Variants in SIRPA observed in about 807,000 individuals in gnomAD.
SIRPA encodes the protein tyrosine-protein phosphatase non-receptor type substrate 1.
Under a neutral mutation model 50.3 loss-of-function variants are expected in SIRPA, and 9 were observed. That is an observed-to-expected ratio of 0.18 (90% CI 0.11 to 0.31). SIRPA has a LOEUF of 0.31. SIRPA is among the 10% of genes least tolerant of loss of function. The pLI, the probability that SIRPA is intolerant of heterozygous loss-of-function variation, is 1.00. For missense variants in SIRPA, 474 were observed against 661.6 expected (o/e 0.72, Z 3.11); for synonymous variants, 265 against 284.1 (o/e 0.93, Z 0.68).
chr20:1,903,165 TG>T (rs1984339893), intron 1 of SIRPA, among the ~76,000 whole-genome samples: 1 of 151,836 alleles, frequency 6.6e-6, no homozygotes. Flanking sequence ...AAGAGGCCAG[TG>T]GGGCTGGAGT....
At position 1,922,444 on chromosome 20, in the gene SIRPA, A is replaced by G. The variant is rs141989867; in HGVS notation, c.886A>G (p.Thr296Ala). The G allele has an allele frequency of 3.2e-5, 51 of 1,614,130 alleles. No homozygotes were observed. The highest frequency in any genetic ancestry group is 4.1e-5 in the Non-Finnish European group (48 of 1,180,054). The change falls in exon 4 of 8, where the codon ACA becomes GCA. Residue 296 changes from threonine (T) to alanine (A), a missense_variant. Physicochemically the swap from Thr to Ala is moderately conservative, Grantham distance 58. Around this residue, in one of 4 missense-constraint regions of SIRPA, gnomAD observed 221 missense variants for 359.9 expected, o/e 0.61. Transcript: ENST00000358771. ...TWLENGNVSR[T>A]ETASTVTENK... Reference sequence around the variant, plus strand: ...GTTGGAGAATGGAAACGTGTCCCGGACAGAAACGGCCTCAACCGTTACAGA... The same window carrying G: ...GTTGGAGAATGGAAACGTGTCCCGGGCAGAAACGGCCTCAACCGTTACAGA...
At chr20:1,895,595 TG>T in intron 1 of SIRPA, 69 bp downstream of exon 1, 1 of 1,204,564 alleles carries the variant, frequency 8.3e-7, no homozygotes. Context: ...AGACTGGCAC[TG>T]GGACCCCTTC....
Position 1,934,847 on chromosome 20 carries a change from C to G in SIRPA, c.1266+93C>G. 1 of 1,392,420 alleles carries G rather than the reference C, an allele frequency of 7.2e-7. No individual in the cohort carries two copies. Among genetic ancestry groups the G allele is most frequent in the Non-Finnish European group, 1.0e-6 (1 of 978,848 alleles). 86.3% of individuals were successfully genotyped at this position (1,392,420 alleles called of 1,614,324 possible). A position where few individuals can be genotyped will look rare whatever the true frequency, so the allele number is the denominator to read the frequency against. ...TTGCAGATCTGGTTCTAAATTAAGA[C>G]TCCTTGTGGGGTGGAGGGTGGAGGA... is the stretch of plus-strand genomic sequence containing the variant. On this transcript the variant is annotated intron_variant, in intron 7 of 7. Transcript: ENST00000358771. The surrounding 1 kb of genome is among the most constrained non-coding windows in gnomAD (Gnocchi z 4.6).
At chr20:1,920,591 T>C (rs984561871) in intron 2 of SIRPA, among the ~76,000 whole-genome samples, 9 of 152,220 alleles carry the variant, frequency 5.9e-5, no homozygotes, top group Non-Finnish European at 1.0e-4. Context: ...TTGGTGATCT[T>C]TAGTGTCTAT....
upstream of SIRPA, chr20:1,894,258 GC>G (rs1332642621): frequency 1.5e-5 from 2 of 132,534 alleles, no homozygotes; most frequent in East Asian, 2.4e-4. The surrounding 1 kb of genome is among the most constrained non-coding windows in gnomAD (Gnocchi z 4.0). Context: ...ACGCCCCCCC[GC>G]CCCCCGCGCC....
chr20:1,907,496 G>A (rs1037743878), intron 1 of SIRPA, among the ~76,000 whole-genome samples: 3 of 152,324 alleles, frequency 2.0e-5, no homozygotes, highest in Non-Finnish European at 2.9e-5. Flanking sequence ...TCACCTCTGC[G>A]TCTTTGCTCA....
intron 1 of SIRPA, among the ~76,000 whole-genome samples, chr20:1,904,169 C>G (rs1320065739): frequency 1.3e-5 from 2 of 152,206 alleles, no homozygotes; most frequent in African/African-American, 2.4e-5. Context: ...GCCCATCAAG[C>G]TGTCATGAAT....
At chr20:1,904,121 C>A (rs549932014) in intron 1 of SIRPA, among the ~76,000 whole-genome samples, 7 of 152,164 alleles carry the variant, frequency 4.6e-5, no homozygotes, top group Non-Finnish European at 7.3e-5. Flanking sequence ...CACAGTCCCC[C>A]CCCTGCAGCC....
chr20:1,914,466 AG>A (rs112299092), intron 1 of SIRPA, among the ~76,000 whole-genome samples: 61,067 of 150,626 alleles, frequency 0.41, 12,652 homozygotes, highest in East Asian at 0.66. Flanking sequence ...GGGCAAACTA[AG>A]GGCAGCTCTT....
In SIRPA at chr20:1,939,301, CT is replaced by C. The variant is rs1291125853; in HGVS notation, c.*1734del. 6.6e-6 allele frequency: 1 copy of C among 152,210 alleles called. No homozygotes were observed. Among genetic ancestry groups the C allele is most frequent in the Admixed American group, 6.5e-5 (1 of 15,286 alleles). The allele number at this position is 152,210 out of a possible 1,614,324, so 9.4% of individuals were successfully genotyped here. A position where few individuals can be genotyped will look rare whatever the true frequency, so the allele number is the denominator to read the frequency against. On this transcript the variant is annotated 3_prime_UTR_variant, in exon 8 of 8. Transcript: ENST00000358771. This position sits in a 1 kb window ranked among gnomAD's most constrained non-coding sequence, Gnocchi z 4.7. ...GCCATCCTGCCCATTCCTGGAGGTC[CT>C]ACAGGTGAAACTGCAGGAGCTCAGC... is the stretch of plus-strand genomic sequence containing the variant.
At chr20:1,906,690 A>G (rs1397592163) in intron 1 of SIRPA, among the ~76,000 whole-genome samples, 1 of 152,062 alleles carries the variant, frequency 6.6e-6, no homozygotes, top group African/African-American at 2.4e-5. Flanking sequence ...TGCACAAAGG[A>G]GGAACGTCAC....
rs1376149738 is a variant in SIRPA, at chr20:1,924,027, T to A, written c.1088-737T>A. On this transcript the variant is annotated intron_variant, in intron 4 of 7. Transcript: ENST00000358771. This position sits in a 1 kb window ranked among gnomAD's most constrained non-coding sequence, Gnocchi z 4.5. Reference sequence around the variant, plus strand: ...TTGGTTGGTTGGTTGGTTGGTTACATAATCCTTAGTTAGCCAATGAGGTAG... The same window carrying A: ...TTGGTTGGTTGGTTGGTTGGTTACAAAATCCTTAGTTAGCCAATGAGGTAG... Among the ~76,000 whole-genome samples the A allele has an allele frequency of 6.6e-6, 1 of 151,940 alleles. No homozygotes were observed. The highest frequency in any genetic ancestry group is 2.4e-5 in the African/African-American group (1 of 41,324).
At chr20:1,917,857 C>G (rs1478720442) in intron 2 of SIRPA, among the ~76,000 whole-genome samples, 1 of 152,162 alleles carries the variant, frequency 6.6e-6, no homozygotes, top group Non-Finnish European at 1.5e-5. Flanking sequence ...TATAGGGTAA[C>G]CAGATCTGGG....
chr20:1,923,731 T>A (rs1267027971), intron 4 of SIRPA, among the ~76,000 whole-genome samples: 1 of 152,212 alleles, frequency 6.6e-6, no homozygotes, highest in Non-Finnish European at 1.5e-5. Context: ...ACAGGATGTG[T>A]GGCTTTCCAC....
chr20:1,934,372 C>A lies in SIRPA; in HGVS notation c.1227-343C>A, dbSNP rs1177737484. Among the ~76,000 whole-genome samples, 2 of 152,330 alleles carry A rather than the reference C, an allele frequency of 1.3e-5. No homozygotes were observed. The highest frequency in any genetic ancestry group is 3.9e-4 in the East Asian group (2 of 5,188). On this transcript the variant is annotated intron_variant, in intron 6 of 7. Transcript: ENST00000358771. This position sits in a 1 kb window ranked among gnomAD's most constrained non-coding sequence, Gnocchi z 4.6. The stretch of plus-strand genomic sequence containing the variant: ...TCTTCCAAGCTCTTGATTTTGCCAG[C>A]TGCTTCCCAAAAGGATTGTACTGGT...
chr20:1,922,744 T>C (rs1985743781), intron 4 of SIRPA, 99 bp downstream of exon 4: 2 of 1,319,548 alleles, frequency 1.5e-6, no homozygotes. Flanking sequence ...TATAGAACAA[T>C]CTAGAAGTCT....
intron 1 of SIRPA, among the ~76,000 whole-genome samples, chr20:1,910,655 C>T (rs983999713): frequency 1.4e-4 from 22 of 152,056 alleles, no homozygotes; most frequent in African/African-American, 4.6e-4. Flanking sequence ...AGTACACATA[C>T]GGTAACATAC....
rs1986794346 is a variant in SIRPA, at chr20:1,940,190, G to A, written c.*2622G>A. 6.6e-6 allele frequency: 1 copy of A among 152,212 alleles called. No homozygotes were observed. The highest frequency in any genetic ancestry group is 6.5e-5 in the Admixed American group (1 of 15,292). The allele number at this position is 152,212 out of a possible 1,614,324, so 9.4% of individuals were successfully genotyped here. ...TCAAACAGCACCTCTTTGAGACTTG[G>A]GCCCCGCGTCGGCACAATGGGGCAG... On this transcript the variant is annotated 3_prime_UTR_variant, in exon 8 of 8. Transcript: ENST00000358771.
chr20:1,896,700 TG>T (rs1220448648), intron 1 of SIRPA, among the ~76,000 whole-genome samples: 3 of 151,908 alleles, frequency 2.0e-5, no homozygotes, highest in Admixed American at 1.3e-4. Context: ...AGGAGAAGTA[TG>T]GGGGGTAGAC....
Sources: allele counts gnomAD v4.1 joint callset (sites outside exome capture counted in the v4.1 genomes callset), GRCh38; gene constraint gnomAD v4.1.1; regional missense constraint gnomAD v4.1.1; non-coding constraint Gnocchi (gnomAD v3.1); transcripts MANE v1.5; gene names NCBI Gene and HGNC (gene_info 2026-07-23, HGNC 2026-07-21).